The following PIGL variants were observed in gnomAD, a reference collection of about 807,000 sequenced individuals.
The protein encoded by PIGL is N-acetylglucosaminyl-phosphatidylinositol de-N-acetylase.
A neutral mutation model predicts 31.1 loss-of-function variants in PIGL; 22 were observed. The observed-to-expected ratio is 0.71, with a 90% CI of 0.51 to 1.01. The LOEUF (loss-of-function observed/expected upper bound fraction) is 1.01. Ranked by LOEUF, PIGL falls within the 50% of genes least tolerant of loss-of-function variation. The pLI, the probability that PIGL is intolerant of heterozygous loss-of-function variation, is 0.00. For missense variants in PIGL, 302 were observed against 315.9 expected (o/e 0.96, Z 0.33); for synonymous variants, 131 against 117.4 (o/e 1.12, Z -0.75).
At chr17:16,314,205 G>T (rs891273384) in intron 4 of PIGL, among the ~76,000 whole-genome samples, 3 of 152,200 alleles carry the variant, frequency 2.0e-5, no homozygotes, top group African/African-American at 7.2e-5. Context: ...TACAAACATA[G>T]ATGTGTTTCC....
At chr17:16,281,431 T>C (rs2092916238) in intron 2 of PIGL, among the ~76,000 whole-genome samples, 2 of 152,220 alleles carry the variant, frequency 1.3e-5, no homozygotes. Flanking sequence ...ACAAATCCCA[T>C]CCCATCCCTG....
chr17:16,269,925 C>T (rs1364583551), intron 2 of PIGL, among the ~76,000 whole-genome samples: 2 of 152,060 alleles, frequency 1.3e-5, no homozygotes, highest in Admixed American at 1.3e-4. Flanking sequence ...TCTTACACTT[C>T]ATTCATCTGT....
intron 2 of PIGL, among the ~76,000 whole-genome samples, chr17:16,293,418 C>T (rs2092968831): frequency 6.6e-6 from 1 of 152,216 alleles, no homozygotes; most frequent in Admixed American, 6.5e-5. Flanking sequence ...GTCCCAGCTA[C>T]TCGGGTGGCT....
chr17:16,318,792 G>C (rs1056672025), intron 6 of PIGL, among the ~76,000 whole-genome samples: 1 of 151,456 alleles, frequency 6.6e-6, no homozygotes, highest in Non-Finnish European at 1.5e-5. Flanking sequence ...TTAGCCAGGC[G>C]TGGTGGCATG....
At chr17:16,314,437 A>G (rs1372762387) in intron 4 of PIGL, among the ~76,000 whole-genome samples, 1 of 152,244 alleles carries the variant, frequency 6.6e-6, no homozygotes, top group African/African-American at 2.4e-5. Flanking sequence ...GCCCAGCACC[A>G]CAAGGTTAAA....
chr17:16,266,330 A>G (rs1258214219), intron 2 of PIGL, among the ~76,000 whole-genome samples: 1 of 142,482 alleles, frequency 7.0e-6, no homozygotes, highest in African/African-American at 2.6e-5. Context: ...GGGAGCTTGC[A>G]GTGAGCCGAG....
intron 3 of PIGL, among the ~76,000 whole-genome samples, chr17:16,300,478 C>A (rs1417871605): frequency 1.3e-5 from 2 of 152,070 alleles, no homozygotes; most frequent in Non-Finnish European, 2.9e-5. Flanking sequence ...GTCAGGAGTT[C>A]CAGACCAGCC....
At chr17:16,286,380 AG>A (rs2092937775) in intron 2 of PIGL, among the ~76,000 whole-genome samples, 1 of 152,284 alleles carries the variant, frequency 6.6e-6, no homozygotes, top group African/African-American at 2.4e-5. Flanking sequence ...AGAGGAAAGA[AG>A]GGGGGCTTCC....
At chr17:16,295,204 G>C (rs2092976238) in intron 2 of PIGL, among the ~76,000 whole-genome samples, 1 of 151,946 alleles carries the variant, frequency 6.6e-6, no homozygotes, top group African/African-American at 2.4e-5. Flanking sequence ...AGGAGTTCTA[G>C]ACCAGCCTGG....
At chr17:16,285,212 G>A (rs2092932262) in intron 2 of PIGL, among the ~76,000 whole-genome samples, 1 of 152,174 alleles carries the variant, frequency 6.6e-6, no homozygotes. Flanking sequence ...GCATCTTTCT[G>A]GGAAGGAGAA....
intron 1 of PIGL, among the ~76,000 whole-genome samples, chr17:16,222,109 T>C (rs1485932538): frequency 6.6e-6 from 1 of 152,166 alleles, no homozygotes; most frequent in Non-Finnish European, 1.5e-5. Flanking sequence ...AAACATTATC[T>C]ATTCTGCTGA....
intron 2 of PIGL, among the ~76,000 whole-genome samples, chr17:16,263,519 GT>G (rs142684710): frequency 6.1e-4 from 91 of 148,840 alleles, no homozygotes; most frequent in African/African-American, 2.1e-3. Context: ...TTTTGTTTAG[GT>G]TTTTTTTTGT....
chr17:16,297,015 G>C (rs891107224), intron 2 of PIGL, among the ~76,000 whole-genome samples: 1 of 152,048 alleles, frequency 6.6e-6, no homozygotes, highest in African/African-American at 2.4e-5. Context: ...CCACCGTTCC[G>C]GCCCTTTTTA....
At chr17:16,217,612 A>AC in intron 1 of PIGL, 151 bp downstream of exon 1, 78 of 615,584 alleles carry the variant, frequency 1.3e-4, no homozygotes, top group South Asian at 5.1e-4. Context: ...CAGCCTAGGG[A>AC]CAGGAGCGGC....
intron 2 of PIGL, among the ~76,000 whole-genome samples, chr17:16,254,950 G>T (rs59850480): frequency 6.6e-6 from 1 of 152,086 alleles, no homozygotes; most frequent in Non-Finnish European, 1.5e-5. Flanking sequence ...TTGAACCCTC[G>T]ATATATAATA....
At chr17:16,310,227 G>A (rs2093043287) in intron 3 of PIGL, among the ~76,000 whole-genome samples, 1 of 151,886 alleles carries the variant, frequency 6.6e-6, no homozygotes, top group Non-Finnish European at 1.5e-5. Context: ...AATAAATTGA[G>A]GCTCATGGTG....
At chr17:16,247,460 G>A (rs1205395265) in intron 2 of PIGL, among the ~76,000 whole-genome samples, 1 of 152,184 alleles carries the variant, frequency 6.6e-6, no homozygotes, top group East Asian at 1.9e-4. Context: ...GGAATGGAGA[G>A]GCATAGGATA....
At chr17:16,253,333 A>T (rs2092780729) in intron 2 of PIGL, among the ~76,000 whole-genome samples, 2 of 152,152 alleles carry the variant, frequency 1.3e-5, no homozygotes, top group African/African-American at 4.8e-5. Context: ...TGCCTATTAA[A>T]GTGCATGGGG....
At chr17:16,322,816 A>G (rs567935340) in intron 6 of PIGL, among the ~76,000 whole-genome samples, 5 of 152,212 alleles carry the variant, frequency 3.3e-5, no homozygotes, top group African/African-American at 1.2e-4. Context: ...GTAAAAAAAT[A>G]CCTTTTTGTG....
Sources: allele counts gnomAD v4.1 joint callset (sites outside exome capture counted in the v4.1 genomes callset), GRCh38; gene constraint gnomAD v4.1.1; transcripts MANE v1.5; gene names NCBI Gene and HGNC (gene_info 2026-07-23, HGNC 2026-07-21).